TDRKH: variants seen among roughly 807,000 people sequenced by gnomAD.
TDRKH encodes the protein tudor and KH domain-containing protein.
In TDRKH, 28 loss-of-function variants were observed where a neutral mutation model predicts 61.3. That is an observed-to-expected ratio of 0.46 (90% CI 0.34 to 0.63). TDRKH has a LOEUF of 0.63. Ranked by LOEUF, TDRKH falls within the 20% of genes least tolerant of loss-of-function variation. TDRKH has a pLI of 0.01. For missense variants in TDRKH, 540 were observed against 683.4 expected, an observed-to-expected ratio of 0.79 and a Z score of 2.34; for synonymous variants, 219 against 244.4, an observed-to-expected ratio of 0.90 and a Z score of 0.97.
chr1:151,778,782 A>G lies in TDRKH; in HGVS notation c.786T>C (p.Ala262=). ...AGGAACCTTCCTTTGACACTACCACAGCCATGTCGCCTCCTCCTTTGGGTG... is the reference window on the plus strand; with the variant it reads ...AGGAACCTTCCTTTGACACTACCACGGCCATGTCGCCTCCTCCTTTGGGTG... ...TPPPKGGGDM[A]VVVSKEGSWE... The change falls in exon 6 of 13, where the codon GCT becomes GCC. Residue 262 remains alanine, a synonymous_variant. Transcript: ENST00000368824. 1.2e-6 allele frequency: 2 copies of G among 1,614,226 alleles called. No homozygotes were observed. Among genetic ancestry groups the G allele is most frequent in the Non-Finnish European group, 1.7e-6 (2 of 1,180,038 alleles).
chr1:151,769,976 G>T (rs1358379389), downstream of TDRKH: 3 of 788,626 alleles, frequency 3.8e-6, no homozygotes, highest in Admixed American at 5.1e-5. Context: ...GCAGGCTGAG[G>T]CAGGAGAATC....
rs370703355 is a variant in TDRKH, at chr1:151,776,134, A to T, written c.1179T>A (p.Asp393Glu). The change falls in exon 8 of 13, where the codon GAT (aspartate) becomes GAA (glutamate). Residue 393 changes from aspartate (D) to glutamate (E), a missense_variant. Asp to Glu is a conservative substitution (Grantham distance 45). Transcript: ENST00000368824. ...GGTCCTTCAGTGGGCAATCTCCATT[A>T]TCTCCAAAGTCAACAAAATAGAGGT... Reference protein sequence around the residue: ...NLDLYFVDFGDNGDCPLKDLR... With the variant: ...NLDLYFVDFGENGDCPLKDLR... 6.2e-7 allele frequency: 1 copy of T among 1,613,990 alleles called. No individual in the cohort carries two copies. Among genetic ancestry groups the T allele is most frequent in the Non-Finnish European group, 8.5e-7 (1 of 1,180,026 alleles).
At chr1:151,775,968 T>C in intron 8 of TDRKH, 84 bp from the exon 9 acceptor site, 4 of 1,577,596 alleles carry the variant, frequency 2.5e-6, no homozygotes, top group East Asian at 2.3e-5. Context: ...CCAACTAACA[T>C]GAGACGATAA....
intron 1 of TDRKH, among the ~76,000 whole-genome samples, chr1:151,789,743 CAGAACCTACAA>C (rs1335006977): frequency 6.6e-6 from 1 of 152,084 alleles, no homozygotes; most frequent in Non-Finnish European, 1.5e-5. Context: ...TCCTAATAAC[CAGAACCTACAA>C]AGAACCTACA....
downstream of TDRKH, chr1:151,768,093 G>A: frequency 6.2e-7 from 1 of 1,613,932 alleles, no homozygotes; most frequent in Non-Finnish European, 8.5e-7. Context: ...CTGACCCCCT[G>A]CTCCACCAGG....
intron 4 of TDRKH, 78 bp from the exon 5 acceptor site, chr1:151,779,320 A>G (rs1558143904): frequency 2.2e-5 from 33 of 1,524,026 alleles, no homozygotes; most frequent in Non-Finnish European, 2.8e-5. Context: ...TGTTTTGTAT[A>G]TACTAGGAGA....
intron 6 of TDRKH, 32 bp from the exon 7 acceptor site, chr1:151,776,631 C>T (rs1649211740): frequency 6.2e-7 from 1 of 1,607,950 alleles, no homozygotes; most frequent in Non-Finnish European, 8.5e-7. Flanking sequence ...GTGGCCACAT[C>T]AGACCCATCT....
chr1:151,777,635 A>G (rs1224551705), intron 6 of TDRKH, among the ~76,000 whole-genome samples: 1 of 152,170 alleles, frequency 6.6e-6, no homozygotes, highest in African/African-American at 2.4e-5. Flanking sequence ...GATGATAGAC[A>G]TAAGTGTATT....
chr1:151,766,579 G>A, downstream of TDRKH: 1 of 800,586 alleles, frequency 1.2e-6, no homozygotes, highest in Non-Finnish European at 2.0e-6. Context: ...ATAAGCAGCA[G>A]AGTGGAGTCC....
rs754263587 is a variant in TDRKH, at chr1:151,789,283, T to C, written c.-28+1097A>G. 1.6e-4 allele frequency among the ~76,000 whole-genome samples: 24 copies of C among 152,364 alleles called. 1 individual carries two copies. The highest frequency in any genetic ancestry group is 2.6e-4 in the Non-Finnish European group (18 of 68,032). On this transcript the variant is annotated intron_variant, in intron 1 of 12. Transcript: ENST00000368824. ...AGTTATCAGCTGATGTCTCAAAAAATGAGACTCTACTTGATCTGTCACTAT... is the reference window on the plus strand; with the variant it reads ...AGTTATCAGCTGATGTCTCAAAAAACGAGACTCTACTTGATCTGTCACTAT...
intron 7 of TDRKH, 21 bp downstream of exon 7, chr1:151,776,418 C>T (rs751162395): frequency 1.2e-6 from 2 of 1,613,464 alleles, no homozygotes; most frequent in Non-Finnish European, 1.7e-6. Context: ...AAACCCCAGC[C>T]CTGTCCCTAT....
chr1:151,788,065 T>C (rs758457916), intron 1 of TDRKH, among the ~76,000 whole-genome samples: 5 of 152,114 alleles, frequency 3.3e-5, no homozygotes, highest in South Asian at 4.1e-4. Flanking sequence ...ACAAGGGACA[T>C]GAGCATCTAT....
chr1:151,775,630 A>G, intron 9 of TDRKH, 87 bp from the exon 10 acceptor site: 4 of 1,534,456 alleles, frequency 2.6e-6, no homozygotes, highest in Non-Finnish European at 3.5e-6. Flanking sequence ...CTACTCAGGA[A>G]GGCACCTGTG....
At chr1:151,775,628 G>C in intron 9 of TDRKH, 85 bp from the exon 10 acceptor site, 1 of 1,536,190 alleles carries the variant, frequency 6.5e-7, no homozygotes, top group Non-Finnish European at 8.8e-7. Flanking sequence ...TTCTACTCAG[G>C]AAGGCACCTG....
Position 151,775,186 on chromosome 1 carries a change from G to A in TDRKH, c.1435-20C>T. On this transcript the variant is annotated intron_variant, in intron 10 of 12. Coordinates refer to ENST00000368824, the MANE Select transcript of TDRKH (RefSeq NM_001083965.2). ...AAGTTTCTGAGAAGAAAAATGAAAA[G>A]GGAATGATGTTCTCTCAGTAAGCAA... 2 of 1,612,824 alleles carry A rather than the reference G, an allele frequency of 1.2e-6. No homozygotes were observed. The highest frequency in any genetic ancestry group is 1.1e-5 in the South Asian group (1 of 90,994).
At chr1:151,767,579 C>T (rs577914733), downstream of TDRKH, 41 of 434,964 alleles carry the variant, frequency 9.4e-5, no homozygotes, top group South Asian at 1.9e-3. Flanking sequence ...CTGTTTATGC[C>T]AAGATCCTGC....
chr1:151,772,494 T>TA (rs1558135034), downstream of TDRKH, among the ~76,000 whole-genome samples: 1 of 151,826 alleles, frequency 6.6e-6, no homozygotes, highest in African/African-American at 2.4e-5. Flanking sequence ...TCCCTAAATT[T>TA]AAAAAAAAGA....
chr1:151,786,104 C>T (rs1650291642), intron 1 of TDRKH, among the ~76,000 whole-genome samples: 1 of 152,122 alleles, frequency 6.6e-6, no homozygotes, highest in Admixed American at 6.5e-5. Context: ...AATACAAAAC[C>T]TACTGTGGAA....
At chr1:151,778,538 T>A in intron 6 of TDRKH, 147 bp downstream of exon 6, 1 of 1,547,080 alleles carries the variant, frequency 6.5e-7, no homozygotes, top group South Asian at 1.1e-5. Context: ...CATCCCATCT[T>A]CAAAATATCT....
Sources: allele counts gnomAD v4.1 joint callset (sites outside exome capture counted in the v4.1 genomes callset), GRCh38; gene constraint gnomAD v4.1.1; transcripts MANE v1.5; gene names NCBI Gene and HGNC (gene_info 2026-07-23, HGNC 2026-07-21).